Variants in SLC35D4 observed in about 807,000 individuals in gnomAD.
SLC35D4 encodes the protein solute carrier family 35 member D4.
the SLC35D4 span, among the ~76,000 whole-genome samples, chr18:23,273,023 G>A: frequency 1.9e-4 from 29 of 152,302 alleles, no homozygotes; most frequent in East Asian, 2.7e-3. Context: ...CCATGACACC[G>A]GTGAGCCGCA....
chr18:23,380,607 C>T, the SLC35D4 span, among the ~76,000 whole-genome samples: 1 of 152,210 alleles, frequency 6.6e-6, no homozygotes, highest in South Asian at 2.1e-4. Context: ...AATGCGTCTC[C>T]TACGTCTCTG....
the SLC35D4 span, among the ~76,000 whole-genome samples, chr18:23,343,992 A>G: frequency 6.6e-6 from 1 of 150,432 alleles, no homozygotes; most frequent in African/African-American, 2.4e-5. Flanking sequence ...TCCACCTCCC[A>G]GGTTCAAGTG....
At chr18:23,371,271 T>G in the SLC35D4 span, 1 of 583,724 alleles carries the variant, frequency 1.7e-6, no homozygotes, top group Non-Finnish European at 2.9e-6. Flanking sequence ...ATTTTTGTAT[T>G]TTTTGTAGAG....
At chr18:23,352,887 G>A in the SLC35D4 span, among the ~76,000 whole-genome samples, 2 of 152,218 alleles carry the variant, frequency 1.3e-5, no homozygotes, top group African/African-American at 4.8e-5. Flanking sequence ...CTGAGGAAGG[G>A]GCAGCATCTT....
At chr18:23,287,922 C>T in the SLC35D4 span, among the ~76,000 whole-genome samples, 60 of 152,338 alleles carry the variant, frequency 3.9e-4, no homozygotes, top group African/African-American at 1.2e-3. Flanking sequence ...GCTGCTGCCC[C>T]GCTAATACTC....
the SLC35D4 span, chr18:23,253,801 C>T: frequency 3.8e-4 from 616 of 1,614,222 alleles, 3 homozygotes; most frequent in South Asian, 6.4e-3. Context: ...CCATGGCCTT[C>T]GTCTACTTTG....
At chr18:23,273,920 A>G in the SLC35D4 span, among the ~76,000 whole-genome samples, 1 of 152,112 alleles carries the variant, frequency 6.6e-6, no homozygotes, top group African/African-American at 2.4e-5. Context: ...AGAGGATTAA[A>G]TTACCTTTCC....
At chr18:23,288,350 G>A in the SLC35D4 span, among the ~76,000 whole-genome samples, 3,725 of 152,192 alleles carry the variant, frequency 0.024, 51 homozygotes, top group Middle Eastern at 0.054. Context: ...CCTTTCCATC[G>A]TGGAAATCTA....
the SLC35D4 span, among the ~76,000 whole-genome samples, chr18:23,262,971 A>G: frequency 2.0e-5 from 3 of 152,220 alleles, no homozygotes; most frequent in Non-Finnish European, 4.4e-5. Context: ...CACGGTCTTC[A>G]ACAAGGGGCT....
At chr18:23,263,454 CT>C in the SLC35D4 span, among the ~76,000 whole-genome samples, 2 of 152,236 alleles carry the variant, frequency 1.3e-5, no homozygotes, top group Non-Finnish European at 1.5e-5. Context: ...TCTGAGCCCC[CT>C]GGTAGAACAT....
chr18:23,326,357 G>A, the SLC35D4 span, among the ~76,000 whole-genome samples: 6 of 152,200 alleles, frequency 3.9e-5, no homozygotes, highest in East Asian at 1.2e-3. Flanking sequence ...GATGCAGGAA[G>A]ATCTACCAAG....
chr18:23,316,482 C>T, the SLC35D4 span, among the ~76,000 whole-genome samples: 1 of 152,202 alleles, frequency 6.6e-6, no homozygotes, highest in East Asian at 1.9e-4. Context: ...ATTACCCATC[C>T]TATGATTTAT....
the SLC35D4 span, among the ~76,000 whole-genome samples, chr18:23,341,270 G>A: frequency 3.2e-3 from 494 of 152,286 alleles, 5 homozygotes; most frequent in African/African-American, 0.011. Context: ...AACAATAATA[G>A]TGATAACAAC....
chr18:23,430,292 C>T, the SLC35D4 span, among the ~76,000 whole-genome samples: 142,426 of 152,074 alleles, frequency 0.94, 66,742 homozygotes, highest in Admixed American at 0.95. Context: ...CAGACTGGTC[C>T]TGAACTCCTG....
the SLC35D4 span, among the ~76,000 whole-genome samples, chr18:23,396,695 C>T: frequency 2.6e-5 from 4 of 152,174 alleles, no homozygotes; most frequent in African/African-American, 7.2e-5. Context: ...AGGAGGATGA[C>T]GTGAGCCCAA....
chr18:23,400,914 C>T, the SLC35D4 span, among the ~76,000 whole-genome samples: 7 of 152,274 alleles, frequency 4.6e-5, no homozygotes, highest in African/African-American at 1.7e-4. Context: ...TCCTTACTTG[C>T]TGCATAAACT....
At chr18:23,295,690 C>G in the SLC35D4 span, among the ~76,000 whole-genome samples, 1 of 152,142 alleles carries the variant, frequency 6.6e-6, no homozygotes, top group Non-Finnish European at 1.5e-5. Context: ...CTTTTTCTCT[C>G]TTTTCTCAAC....
chr18:23,286,678 C>T, the SLC35D4 span, among the ~76,000 whole-genome samples: 2 of 152,008 alleles, frequency 1.3e-5, no homozygotes, highest in Non-Finnish European at 2.9e-5. Context: ...GCCTGTTTCC[C>T]TTGCCTCCAT....
the SLC35D4 span, among the ~76,000 whole-genome samples, chr18:23,250,235 C>T: frequency 5.9e-5 from 9 of 152,218 alleles, no homozygotes; most frequent in African/African-American, 2.2e-4. Flanking sequence ...CCAACAAAGG[C>T]AGATGACTTT....
Sources: gnomAD v4.1 joint callset for allele counts (sites outside exome capture counted in the v4.1 genomes callset) on GRCh38, gnomAD v4.1.1 for gene constraint, MANE v1.5 for transcripts, NCBI Gene and HGNC (gene_info 2026-07-23, HGNC 2026-07-21) for gene names.